Variants in SNX4 observed in about 807,000 individuals in gnomAD.
The protein encoded by SNX4 is sorting nexin-4.
In SNX4, 49 loss-of-function variants were observed where a neutral mutation model predicts 70.8. The ratio of observed to expected loss-of-function variants is 0.69; its 90% confidence interval spans 0.55 to 0.88. The LOEUF (loss-of-function observed/expected upper bound fraction) is 0.88, where lower values mean the gene tolerates loss of function less well. Among genes scored for constraint, SNX4 ranks in the 40% least tolerant of loss-of-function variants. The pLI is 0.00. For synonymous variants in SNX4, 206 were observed against 183.8 expected (o/e 1.12, Z -0.98); for missense variants, 528 against 544.8 (o/e 0.97, Z 0.31).
chr3:125,463,717 G>T (rs1053585220), intron 9 of SNX4, among the ~76,000 whole-genome samples: 2 of 152,076 alleles, frequency 1.3e-5, no homozygotes, highest in Admixed American at 6.6e-5. Flanking sequence ...ATGTTTTGAT[G>T]TATGTATACA....
At chr3:125,509,533 C>A (rs1935123409) in intron 1 of SNX4, among the ~76,000 whole-genome samples, 1 of 151,956 alleles carries the variant, frequency 6.6e-6, no homozygotes, top group South Asian at 2.1e-4. Flanking sequence ...GGGTGGATCA[C>A]CTGAGGTCAG....
chr3:125,480,431 T>C, intron 6 of SNX4, 112 bp from the exon 7 acceptor site: 1 of 456,502 alleles, frequency 2.2e-6, no homozygotes, highest in Non-Finnish European at 3.8e-6. Context: ...TATTTAACCA[T>C]ATGCTGGCCT....
chr3:125,492,246 G>A (rs1934679170), intron 5 of SNX4, among the ~76,000 whole-genome samples: 1 of 151,730 alleles, frequency 6.6e-6, no homozygotes, highest in Admixed American at 6.6e-5. Flanking sequence ...ACCTAGTAAA[G>A]CACACCCAGT....
rs371052085 is a variant in SNX4 at position 125,509,317 on chromosome 3, C to T, written c.142-4573G>A. 7.3e-4 allele frequency among the ~76,000 whole-genome samples: 95 copies of T among 129,546 alleles called. 1 individual carries two copies. Among genetic ancestry groups the T allele is most frequent in the African/African-American group, 2.3e-3 (77 of 33,066 alleles). The allele number at this position is 129,546 out of a possible 152,430, so 85.0% of individuals were successfully genotyped here. A position where few individuals can be genotyped will look rare whatever the true frequency, so the allele number is the denominator to read the frequency against. On this transcript the variant is annotated intron_variant, in intron 1 of 13. Transcript: ENST00000251775. The stretch of plus-strand genomic sequence containing the variant: ...TGCACTCCAGCCTGGGCAACAAGAG[C>T]GAAACTCCGTCTCAAAAAAAAAAAA...
intron 2 of SNX4, among the ~76,000 whole-genome samples, chr3:125,498,485 A>G (rs1171778897): frequency 1.3e-4 from 20 of 152,160 alleles, no homozygotes; most frequent in Admixed American, 1.1e-3. Flanking sequence ...ACATTGGCTA[A>G]TACTTTAATT....
chr3:125,511,110 C>T (rs771665951), intron 1 of SNX4, among the ~76,000 whole-genome samples: 46 of 152,146 alleles, frequency 3.0e-4, no homozygotes, highest in Non-Finnish European at 4.7e-4. Flanking sequence ...GACGGAGTTT[C>T]TCCATGTTGG....
chr3:125,456,673 T>G (rs965468864), intron 11 of SNX4, among the ~76,000 whole-genome samples: 1 of 152,038 alleles, frequency 6.6e-6, no homozygotes, highest in Non-Finnish European at 1.5e-5. Flanking sequence ...TAAAAACAAT[T>G]TTTTTGAGAT....
chr3:125,492,280 T>G (rs1455961417), intron 5 of SNX4, among the ~76,000 whole-genome samples: 1 of 152,156 alleles, frequency 6.6e-6, no homozygotes. Flanking sequence ...TGAAGGAGCA[T>G]TCCTCTTCCT....
At chr3:125,483,555 A>G (rs1041354936) in intron 6 of SNX4, among the ~76,000 whole-genome samples, 7 of 152,230 alleles carry the variant, frequency 4.6e-5, no homozygotes, top group Non-Finnish European at 7.3e-5. Flanking sequence ...GAAAGGTCTT[A>G]ACACCTTTGG....
At chr3:125,466,727 G>A (rs1374587178) in intron 9 of SNX4, among the ~76,000 whole-genome samples, 5 of 152,116 alleles carry the variant, frequency 3.3e-5, no homozygotes, top group African/African-American at 2.4e-5. Flanking sequence ...GGGAGGAGGA[G>A]GCTGCAGTAA....
At chr3:125,457,572 C>G (rs374230269) in intron 10 of SNX4, among the ~76,000 whole-genome samples, 1 of 110,438 alleles carries the variant, frequency 9.1e-6, no homozygotes, top group South Asian at 3.2e-4. Context: ...TTCATATATT[C>G]TTTTTTTTTT....
In SNX4 at chr3:125,490,479, G is replaced by A. The variant is rs561672833; in HGVS notation, c.598-1016C>T. On this transcript the variant is annotated intron_variant, in intron 5 of 13. Coordinates refer to ENST00000251775, the MANE Select transcript of SNX4 (RefSeq NM_003794.4). ...GCGGAGCTTGCAGTGAGCCGAGATCGTGCCACGGCACTCCAGCCTGGGCGA... is the reference window on the plus strand; with the variant it reads ...GCGGAGCTTGCAGTGAGCCGAGATCATGCCACGGCACTCCAGCCTGGGCGA... Among the ~76,000 whole-genome samples the A allele has an allele frequency of 3.0e-3, 420 of 141,292 alleles. 1 individual carries two copies. The highest frequency in any genetic ancestry group is 0.011 in the African/African-American group (393 of 37,168). 92.7% of individuals were successfully genotyped at this position (141,292 alleles called of 152,430 possible).
intron 6 of SNX4, among the ~76,000 whole-genome samples, chr3:125,481,696 C>A (rs576389863): frequency 7.9e-5 from 12 of 152,080 alleles, no homozygotes; most frequent in Non-Finnish European, 1.6e-4. Context: ...GCCTTGGCCT[C>A]CCAAAGTGCT....
chr3:125,489,438 T>A lies in SNX4; in HGVS notation c.623A>T (p.Asn208Ile), dbSNP rs1934603220. The A allele has an allele frequency of 6.2e-7, 1 of 1,613,544 alleles. No individual in the cohort carries two copies. The highest frequency in any genetic ancestry group is 1.3e-5 in the African/African-American group (1 of 75,052). The change falls in exon 6 of 14, where the codon AAT becomes ATT. Residue 208 changes from asparagine (N) to isoleucine (I), a missense_variant. Physicochemically the swap from Asn to Ile is moderately radical, Grantham distance 149 (BLOSUM62 -3). Coordinates refer to ENST00000251775, the MANE Select transcript of SNX4 (RefSeq NM_003794.4). ...TGGGTTTTTCACTCTGAATGTTGCATTAAGCGCTTTTAACCTGGAGTCTGC... is the reference window on the plus strand; with the variant it reads ...TGGGTTTTTCACTCTGAATGTTGCAATAAGCGCTTTTAACCTGGAGTCTGC... ...LKADSRLKAL[N>I]ATFRVKNPDK...
intron 11 of SNX4, among the ~76,000 whole-genome samples, chr3:125,456,668 A>G (rs1315339091): frequency 1.3e-5 from 2 of 152,172 alleles, no homozygotes; most frequent in Admixed American, 1.3e-4. Context: ...ATTAATAAAA[A>G]CAATTTTTTT....
chr3:125,495,250 T>TTTTATATATATATATATATA (rs869243473), intron 5 of SNX4, among the ~76,000 whole-genome samples: 6 of 38,154 alleles, frequency 1.6e-4, no homozygotes, highest in Non-Finnish European at 3.1e-4. Context: ...CATTCTCTCT[T>TTTTATATATATATATATATA]TATATATATA....
Position 125,489,441 on chromosome 3 carries a change from A to G in SNX4, c.620T>C (p.Leu207Pro). Residue 207 changes from leucine to proline, a missense_variant, in exon 6 of 14, where the codon CTT (leucine) becomes CCT (proline). Transcript: ENST00000251775. Reference protein sequence around the residue: ...QLKADSRLKALNATFRVKNPD... With the variant: ...QLKADSRLKAPNATFRVKNPD... ...GTTTTTCACTCTGAATGTTGCATTA[A>G]GCGCTTTTAACCTGGAGTCTGCCTG... 6.2e-7 allele frequency: 1 copy of G among 1,613,578 alleles called. No homozygotes were observed.
chr3:125,477,661 C>G (rs1462275793), intron 7 of SNX4, among the ~76,000 whole-genome samples: 1 of 152,320 alleles, frequency 6.6e-6, no homozygotes, highest in South Asian at 2.1e-4. Context: ...AAGATCTCAT[C>G]TTACAGTGAC....
chr3:125,503,754 G>A (rs531254168), intron 2 of SNX4, among the ~76,000 whole-genome samples: 64 of 152,236 alleles, frequency 4.2e-4, no homozygotes, highest in African/African-American at 1.5e-3. Flanking sequence ...ATCCTCCAAA[G>A]CATGTATCGT....
Sources: gnomAD v4.1 joint callset for allele counts (sites outside exome capture counted in the v4.1 genomes callset) on GRCh38, gnomAD v4.1.1 for gene constraint, MANE v1.5 for transcripts, NCBI Gene and HGNC (gene_info 2026-07-23, HGNC 2026-07-21) for gene names.